The following CELF2 variants were observed in gnomAD, a reference collection of about 807,000 sequenced individuals.
CELF2 encodes the protein CUGBP Elav-like family member 2.
Under a neutral mutation model 62.6 loss-of-function variants are expected in CELF2, and 8 were observed. The observed-to-expected ratio is 0.13, with a 90% CI of 0.07 to 0.23. CELF2 has a LOEUF of 0.23. Among genes scored for constraint, CELF2 ranks in the 10% least tolerant of loss-of-function variants. The pLI is 1.00. For synonymous variants in CELF2, 258 were observed against 250.0 expected (o/e 1.03, Z -0.30); for missense variants, 333 against 671.0 (o/e 0.50, Z 5.56).
the CELF2 span, among the ~76,000 whole-genome samples, chr10:10,598,486 CG>C: frequency 1.3e-5 from 2 of 152,178 alleles, no homozygotes; most frequent in South Asian, 4.1e-4. Flanking sequence ...CATCCTGCAA[CG>C]GAGCGTGGCA....
chr10:10,853,829 A>G (rs1485181352), intron 1 of CELF2, among the ~76,000 whole-genome samples: 1 of 152,042 alleles, frequency 6.6e-6, no homozygotes, highest in African/African-American at 2.4e-5. Context: ...GGAAGCCACT[A>G]GAAAGGGGCA....
chr10:10,837,565 G>A (rs1300404977), intron 1 of CELF2, among the ~76,000 whole-genome samples: 1 of 152,052 alleles, frequency 6.6e-6, no homozygotes, highest in Admixed American at 6.6e-5. Context: ...TATCTTTCAT[G>A]TCTCAATGAA....
At chr10:10,603,899 A>C in the CELF2 span, among the ~76,000 whole-genome samples, 1 of 152,176 alleles carries the variant, frequency 6.6e-6, no homozygotes, top group Non-Finnish European at 1.5e-5. Flanking sequence ...TATATAACTA[A>C]AATGTTGGTT....
At chr10:10,573,891 T>C in the CELF2 span, among the ~76,000 whole-genome samples, 1 of 152,158 alleles carries the variant, frequency 6.6e-6, no homozygotes, top group Non-Finnish European at 1.5e-5. Context: ...TCCAGAGTTT[T>C]TATTTGCATA....
At chr10:10,964,151 T>G (rs1429332049) in intron 2 of CELF2, among the ~76,000 whole-genome samples, 1 of 152,210 alleles carries the variant, frequency 6.6e-6, no homozygotes, top group African/African-American at 2.4e-5. Context: ...TTGGACAAGT[T>G]TGTAGTTAAA....
rs1270926886 is a variant in CELF2 at position 11,268,405 on chromosome 10, G to GC, written c.618+1735dup. On this transcript the variant is annotated intron_variant, in intron 6 of 12. Transcript: ENST00000633077. The surrounding 1 kb of genome is among the most constrained non-coding windows in gnomAD (Gnocchi z 4.7). ...TACGATCCCCATTCCTTCCCTTGGA[G>GC]CCCCCCCAGTAATGCTCAGAGAGCC... 3.3e-5 allele frequency among the ~76,000 whole-genome samples: 5 copies of GC among 151,938 alleles called. No homozygotes were observed. The highest frequency in any genetic ancestry group is 4.2e-4 in the South Asian group (2 of 4,798).
At chr10:11,218,133 C>G (rs1015776468) in intron 3 of CELF2, among the ~76,000 whole-genome samples, 5 of 152,142 alleles carry the variant, frequency 3.3e-5, no homozygotes, top group African/African-American at 1.2e-4. Context: ...GTAGGAACAC[C>G]AGAATACAGT....
At chr10:11,189,380 T>A (rs1387856087) in intron 2 of CELF2, among the ~76,000 whole-genome samples, 2 of 152,200 alleles carry the variant, frequency 1.3e-5, no homozygotes, top group African/African-American at 4.8e-5. Context: ...GGATCTTAAT[T>A]TTTTTTGAAT....
At chr10:11,174,697 C>T (rs975940567) in intron 2 of CELF2, among the ~76,000 whole-genome samples, 1 of 152,208 alleles carries the variant, frequency 6.6e-6, no homozygotes. Flanking sequence ...AGGACAAATT[C>T]TGCAGCTTTA....
the CELF2 span, among the ~76,000 whole-genome samples, chr10:10,673,758 T>TC: frequency 1.3e-5 from 2 of 152,200 alleles, no homozygotes; most frequent in African/African-American, 4.8e-5. Context: ...TGGCTCAAAA[T>TC]GTTTTTTAAA....
Position 11,165,005 on chromosome 10 carries a change from TCTCCTCTCTTCCAAAAAC to T in CELF2, c.75-476_75-459del. On this transcript the variant is annotated intron_variant, in intron 1 of 12. Transcript: ENST00000633077. This position sits in a 1 kb window ranked among gnomAD's most constrained non-coding sequence, Gnocchi z 7.4. Reference sequence around the variant, plus strand: ...CATGTGACTTTATTATTACCACCTCTCTCCTCTCTTCCAAAAACCTCCCAAAAAGGGCGGTGGGGCGGG... The same window carrying T: ...CATGTGACTTTATTATTACCACCTCTCTCCCAAAAAGGGCGGTGGGGCGGG... The T allele has an allele frequency of 1.2e-6, 1 of 850,844 alleles. No individual in the cohort carries two copies. Among genetic ancestry groups the T allele is most frequent in the Non-Finnish European group, 1.4e-6 (1 of 714,478 alleles). 52.7% of individuals were successfully genotyped at this position (850,844 alleles called of 1,614,324 possible).
chr10:10,821,586 G>A (rs750125483), intron 1 of CELF2, among the ~76,000 whole-genome samples: 7 of 152,298 alleles, frequency 4.6e-5, no homozygotes, highest in Middle Eastern at 3.4e-3. Context: ...GCCTCTAACA[G>A]GGCTTCCTGA....
rs193104580 is a variant in CELF2, at chr10:10,898,210, C to T, written c.54-21754C>T. 1.1e-3 allele frequency among the ~76,000 whole-genome samples: 165 copies of T among 152,300 alleles called. 1 individual carries two copies. The highest frequency in any genetic ancestry group is 3.8e-3 in the African/African-American group (156 of 41,558). ...TTTTCTAGTATCACAGGTCCACAGA[C>T]GGACAAGAATTTTCCCAGATTGGAT... is the stretch of plus-strand genomic sequence containing the variant. On this transcript the variant is annotated intron_variant, in intron 1 of 13. Coordinates refer to the CELF2 transcript ENST00000636488.
At chr10:10,800,194 C>A (rs755469942) in intron 1 of CELF2, among the ~76,000 whole-genome samples, 5 of 152,170 alleles carry the variant, frequency 3.3e-5, no homozygotes, top group Admixed American at 6.5e-5. Context: ...TACTGCATGT[C>A]ATATTCTAGA....
At chr10:10,630,000 G>A in the CELF2 span, among the ~76,000 whole-genome samples, 20 of 150,876 alleles carry the variant, frequency 1.3e-4, no homozygotes, top group Middle Eastern at 3.5e-3. Context: ...ATTATTCTGC[G>A]TTCTCCCACT....
At chr10:11,275,238 A>G in intron 8 of CELF2, 118 bp downstream of exon 8, 1 of 1,061,992 alleles carries the variant, frequency 9.4e-7, no homozygotes. Context: ...CAGACTTGTT[A>G]GCTTTCTGTC....
At chr10:10,719,558 G>A in the CELF2 span, among the ~76,000 whole-genome samples, 1 of 152,102 alleles carries the variant, frequency 6.6e-6, no homozygotes, top group South Asian at 2.1e-4. Flanking sequence ...CAGCCACTGT[G>A]TACCCAGCCT....
chr10:11,083,500 A>G (rs1281033966), intron 1 of CELF2, among the ~76,000 whole-genome samples: 1 of 152,186 alleles, frequency 6.6e-6, no homozygotes, highest in East Asian at 1.9e-4. Context: ...TAACCAGCCT[A>G]TCAAGGATGG....
At chr10:10,756,442 A>G in the CELF2 span, among the ~76,000 whole-genome samples, 1 of 152,216 alleles carries the variant, frequency 6.6e-6, no homozygotes, top group African/African-American at 2.4e-5. Context: ...CATGGTTTTC[A>G]ACTGGCATTT....
Sources: gnomAD v4.1 joint callset for allele counts (sites outside exome capture counted in the v4.1 genomes callset) on GRCh38, gnomAD v4.1.1 for gene constraint, Gnocchi (gnomAD v3.1) non-coding constraint, MANE v1.5 for transcripts, NCBI Gene and HGNC (gene_info 2026-07-23, HGNC 2026-07-21) for gene names.